Variants in EXOC2 observed in about 807,000 individuals in gnomAD.
EXOC2 encodes the protein SEC5-like 1.
A neutral mutation model predicts 131.8 loss-of-function variants in EXOC2; 70 were observed. The ratio of observed to expected loss-of-function variants is 0.53; its 90% confidence interval spans 0.44 to 0.65. The LOEUF (loss-of-function observed/expected upper bound fraction) is 0.65, where lower values mean the gene tolerates loss of function less well. Among genes scored for constraint, EXOC2 ranks in the 30% least tolerant of loss-of-function variants. EXOC2 has a pLI of 0.00. For missense variants in EXOC2, 923 were observed against 1,108.6 expected, an observed-to-expected ratio of 0.83 and a Z score of 2.38; for synonymous variants, 411 against 398.4, an observed-to-expected ratio of 1.03 and a Z score of -0.38.
At chr6:517,091 T>A (rs1236907649) in intron 23 of EXOC2, among the ~76,000 whole-genome samples, 1 of 152,114 alleles carries the variant, frequency 6.6e-6, no homozygotes, top group Non-Finnish European at 1.5e-5. Flanking sequence ...GGGGTGAGAC[T>A]GAACGAGAGC....
intron 23 of EXOC2, among the ~76,000 whole-genome samples, chr6:503,506 A>G (rs1156886441): frequency 6.6e-6 from 1 of 152,170 alleles, no homozygotes; most frequent in Non-Finnish European, 1.5e-5. Context: ...TGTGGTATTT[A>G]TTTATTACGC....
At chr6:641,452 T>C (rs187867535) in intron 1 of EXOC2, among the ~76,000 whole-genome samples, 74 of 152,234 alleles carry the variant, frequency 4.9e-4, no homozygotes, top group Middle Eastern at 3.4e-3. Flanking sequence ...AGAAAGACCA[T>C]GGGATTAGAG....
intron 1 of EXOC2, among the ~76,000 whole-genome samples, chr6:651,534 A>G (rs527352103): frequency 3.9e-5 from 6 of 152,070 alleles, no homozygotes; most frequent in Admixed American, 3.9e-4. Context: ...GGCACCTGTA[A>G]TCCCAGCTAC....
chr6:533,394 T>A (rs370152590), intron 22 of EXOC2, among the ~76,000 whole-genome samples: 1 of 152,198 alleles, frequency 6.6e-6, no homozygotes, highest in Non-Finnish European at 1.5e-5. Context: ...ATAAGCCTGC[T>A]CTGACACTCC....
chr6:512,069 T>C (rs1004768686), intron 23 of EXOC2, among the ~76,000 whole-genome samples: 1 of 152,254 alleles, frequency 6.6e-6, no homozygotes, highest in African/African-American at 2.4e-5. Context: ...GCAAGGTGCA[T>C]ATACACACAC....
chr6:542,861 G>C (rs1445152405), intron 22 of EXOC2, among the ~76,000 whole-genome samples: 1 of 152,194 alleles, frequency 6.6e-6, no homozygotes, highest in Admixed American at 6.5e-5. Context: ...ATGAGAGAAA[G>C]AGGCAAGAGA....
At chr6:649,035 A>G (rs532418325) in intron 1 of EXOC2, among the ~76,000 whole-genome samples, 19 of 152,106 alleles carry the variant, frequency 1.2e-4, no homozygotes, top group African/African-American at 4.6e-4. Flanking sequence ...TTTGTAAGAG[A>G]CGGAGCCTCG....
chr6:518,091 T>C (rs921571684), intron 23 of EXOC2, among the ~76,000 whole-genome samples: 1 of 152,240 alleles, frequency 6.6e-6, no homozygotes, highest in Non-Finnish European at 1.5e-5. Context: ...AATTTGAACA[T>C]TGACTAAATA....
intron 17 of EXOC2, among the ~76,000 whole-genome samples, chr6:559,589 G>A (rs867729687): frequency 1.3e-5 from 2 of 152,160 alleles, no homozygotes; most frequent in African/African-American, 4.8e-5. Context: ...TAGTTATGTG[G>A]CTTGTGTGAG....
chr6:619,621 T>C, intron 4 of EXOC2, 78 bp from the exon 5 acceptor site: 1 of 853,978 alleles, frequency 1.2e-6, no homozygotes, highest in African/African-American at 1.7e-5. Flanking sequence ...AAGTATCCAG[T>C]ATAACACATA....
chr6:616,024 A>G (rs1304755606), intron 6 of EXOC2, among the ~76,000 whole-genome samples: 2 of 152,218 alleles, frequency 1.3e-5, no homozygotes, highest in Admixed American at 6.5e-5. Context: ...TCCACTTTTC[A>G]CATTTCAAAA....
intron 1 of EXOC2, among the ~76,000 whole-genome samples, chr6:689,797 A>G (rs1764832464): frequency 6.6e-6 from 1 of 152,242 alleles, no homozygotes; most frequent in Non-Finnish European, 1.5e-5. Flanking sequence ...TGTAAACACC[A>G]TTAATAATAT....
intron 23 of EXOC2, among the ~76,000 whole-genome samples, chr6:526,535 G>T (rs559812634): frequency 1.5e-4 from 22 of 149,528 alleles, no homozygotes; most frequent in Non-Finnish European, 2.5e-4. Context: ...CTGCCTCCTG[G>T]GTTCAAGCGA....
At chr6:622,115 C>G (rs544681538) in intron 4 of EXOC2, among the ~76,000 whole-genome samples, 2 of 152,286 alleles carry the variant, frequency 1.3e-5, no homozygotes, top group South Asian at 4.1e-4. Context: ...ATGACATGAC[C>G]AATTAGTAAG....
At position 687,171 on chromosome 6, in the gene EXOC2, C is replaced by T. The variant is rs199905102; in HGVS notation, c.-44+5848G>A. 6.0e-3 allele frequency among the ~76,000 whole-genome samples: 472 copies of T among 78,296 alleles called. 1 individual carries two copies. Among genetic ancestry groups the T allele is most frequent in the South Asian group, 6.5e-3 (11 of 1,686 alleles). 51.4% of individuals were successfully genotyped at this position (78,296 alleles called of 152,430 possible). A position where few individuals can be genotyped will look rare whatever the true frequency, so the allele number is the denominator to read the frequency against. The stretch of plus-strand genomic sequence containing the variant: ...GAAGAAGTCATTATCAAATAATATT[C>T]TTTTTTTTTTTTTTTTTTTTTTTGA... On this transcript the variant is annotated intron_variant, in intron 1 of 27. Coordinates refer to ENST00000230449, the MANE Select transcript of EXOC2 (RefSeq NM_018303.6).
intron 1 of EXOC2, among the ~76,000 whole-genome samples, chr6:688,420 C>A: frequency 6.6e-6 from 1 of 152,128 alleles, no homozygotes; most frequent in East Asian, 1.9e-4. Flanking sequence ...GAGAAGCTGC[C>A]AGGCAGATGC....
chr6:499,306 T>C (rs905339537), intron 24 of EXOC2, among the ~76,000 whole-genome samples: 4 of 152,182 alleles, frequency 2.6e-5, no homozygotes, highest in Admixed American at 1.3e-4. Context: ...TTTTCCAAGA[T>C]AAGGGATTTA....
intron 1 of EXOC2, among the ~76,000 whole-genome samples, chr6:688,342 TC>T (rs11304182): frequency 0.42 from 64,537 of 151,902 alleles, 14,814 homozygotes; most frequent in East Asian, 0.66. Context: ...ACTGTGATTT[TC>T]CCCAGCTGGC....
chr6:486,805 G>A (rs1307788907), intron 27 of EXOC2, 41 bp from the exon 28 acceptor site: 1 of 1,553,324 alleles, frequency 6.4e-7, no homozygotes, highest in South Asian at 1.1e-5. Context: ...CGACAGATGG[G>A]GCGGCCTAGC....
Sources: allele counts gnomAD v4.1 joint callset (sites outside exome capture counted in the v4.1 genomes callset), GRCh38; gene constraint gnomAD v4.1.1; transcripts MANE v1.5; gene names NCBI Gene and HGNC (gene_info 2026-07-23, HGNC 2026-07-21).